The following PTPRC variants were observed in gnomAD, a reference collection of about 807,000 sequenced individuals.
PTPRC encodes receptor-type tyrosine-protein phosphatase C.
Under a neutral mutation model 155.9 loss-of-function variants are expected in PTPRC, and 44 were observed. That is an observed-to-expected ratio of 0.28 (90% CI 0.22 to 0.36). PTPRC has a LOEUF of 0.36. Ranked by LOEUF, PTPRC falls within the 10% of genes least tolerant of loss-of-function variation. The probability of loss-of-function intolerance (pLI) is 1.00; values close to 1 mark genes in which losing one functional copy is unlikely to be tolerated. For missense variants in PTPRC, 1,401 were observed against 1,564.6 expected, an observed-to-expected ratio of 0.90 and a Z score of 1.76; for synonymous variants, 525 against 533.1, an observed-to-expected ratio of 0.98 and a Z score of 0.21.
Position 198,659,765 on chromosome 1 carries a change from C to T in PTPRC, c.73+20424C>T, listed in dbSNP as rs117139039. 9.9e-4 allele frequency among the ~76,000 whole-genome samples: 151 copies of T among 151,884 alleles called. 1 individual carries two copies. The East Asian group carries it at 0.026, about 26-fold the overall frequency. ...TTCAGGCTGGTCTCGAGCTCCCAAC[C>T]TCAGGACCTCAGGTGATCTGCCCGC... On this transcript the variant is annotated intron_variant, in intron 2 of 32. Transcript: ENST00000442510.
At chr1:198,661,330 T>G (rs1663949504) in intron 2 of PTPRC, among the ~76,000 whole-genome samples, 1 of 149,714 alleles carries the variant, frequency 6.7e-6, no homozygotes, top group Non-Finnish European at 1.5e-5. Context: ...TAAATAATAA[T>G]AAATCAATAT....
chr1:198,716,012 C>A (rs952125511), intron 12 of PTPRC, among the ~76,000 whole-genome samples: 5 of 152,124 alleles, frequency 3.3e-5, no homozygotes, highest in Non-Finnish European at 7.4e-5. Context: ...GCCTCCCCAG[C>A]CAGAGCTGTT....
chr1:198,699,370 A>G (rs561219458), intron 4 of PTPRC, among the ~76,000 whole-genome samples, 194 bp from the exon 5 acceptor site: 1 of 152,232 alleles, frequency 6.6e-6, no homozygotes, highest in Non-Finnish European at 1.5e-5. Flanking sequence ...TCCCAAGGCT[A>G]TGTAAATAGA....
rs1184640716 is a variant in PTPRC, at chr1:198,663,946, T to C, written c.73+24605T>C. Among the ~76,000 whole-genome samples the C allele has an allele frequency of 2.0e-5, 3 of 152,266 alleles. 1 individual carries two copies. The East Asian group carries it at 5.8e-4, about 29-fold the overall frequency. ...ATTGAGACAAAAGCAAAATATTTTT[T>C]CTATATTAATAATCATAATAAACAC... On this transcript the variant is annotated intron_variant, in intron 2 of 32. Transcript: ENST00000442510.
intron 2 of PTPRC, among the ~76,000 whole-genome samples, chr1:198,667,416 C>A (rs866313471): frequency 8.5e-5 from 13 of 152,110 alleles, no homozygotes; most frequent in South Asian, 8.3e-4. Context: ...CTATATTAGG[C>A]CTTTTATCTG....
intron 2 of PTPRC, among the ~76,000 whole-genome samples, chr1:198,641,640 T>C (rs577332359): frequency 2.2e-4 from 33 of 152,170 alleles, no homozygotes; most frequent in African/African-American, 7.7e-4. Flanking sequence ...AGCCAAACTT[T>C]GTTTAGAATT....
chr1:198,716,943 C>A, intron 13 of PTPRC, 103 bp downstream of exon 13: 1 of 1,107,184 alleles, frequency 9.0e-7, no homozygotes. Flanking sequence ...AGCACATTTA[C>A]CTGGCACATT....
Position 198,699,607 on chromosome 1 carries a change from C to T in PTPRC, c.342C>T (p.Asp114=), listed in dbSNP as rs1450658102. ...CGCCTCACCTTCCCACGCACGCAGA[C>T]TCGCAGACGCCCTCTGCTGGAACTG... is the stretch of plus-strand genomic sequence containing the variant. The part of the protein sequence containing the change: ...VQTPHLPTHA[D]SQTPSAGTDT... The change falls in exon 5 of 33, where the codon GAC becomes GAT. Residue 114 remains aspartate, a synonymous_variant. Transcript: ENST00000442510. 5 of 1,614,110 alleles carry T rather than the reference C, an allele frequency of 3.1e-6. No individual in the cohort carries two copies. Among genetic ancestry groups the T allele is most frequent in the Non-Finnish European group, 3.4e-6 (4 of 1,180,050 alleles).
rs773229991 is a variant in PTPRC at position 198,718,171 on chromosome 1, G to A, written c.1528G>A (p.Asp510Asn). 3.1e-6 allele frequency: 5 copies of A among 1,613,692 alleles called. No homozygotes were observed. The East Asian group carries it at 6.7e-5, about 22-fold the overall frequency. ...GCATGTCAAGTGTAGGCCTCCCAGG[G>A]ACCGTAATGGCCCCCATGAACGTTA... ...SMHVKCRPPR[D>N]RNGPHERYHL... Residue 510 changes from aspartate (D) to asparagine (N), a missense_variant, in exon 14 of 33, where the codon GAC becomes AAC. Physicochemically the swap from Asp to Asn is conservative, Grantham distance 23. Transcript: ENST00000442510.
chr1:198,716,851 T>A lies in PTPRC; in HGVS notation c.1450+11T>A. On this transcript the variant is annotated intron_variant, in intron 13 of 32. Coordinates refer to ENST00000442510, the MANE Select transcript of PTPRC (RefSeq NM_002838.5). ...CAACTAAAAGTGCTCGTAAGTTATA[T>A]GTTTTAATGCTTCTTTCCATAAATG... is the stretch of plus-strand genomic sequence containing the variant. The A allele has an allele frequency of 6.2e-7, 1 of 1,612,416 alleles. No individual in the cohort carries two copies. The highest frequency in any genetic ancestry group is 1.1e-5 in the South Asian group (1 of 90,982).
At chr1:198,664,772 G>A (rs1254691235) in intron 2 of PTPRC, among the ~76,000 whole-genome samples, 2 of 152,126 alleles carry the variant, frequency 1.3e-5, no homozygotes, top group East Asian at 3.8e-4. Flanking sequence ...AACCCTGATA[G>A]TTGCTAGATT....
intron 20 of PTPRC, among the ~76,000 whole-genome samples, chr1:198,733,315 G>A (rs1654482403): frequency 6.6e-6 from 1 of 151,526 alleles, no homozygotes; most frequent in African/African-American, 2.4e-5. Context: ...GGTTACTTAT[G>A]TTTCCCCAAT....
intron 23 of PTPRC, 55 bp downstream of exon 23, chr1:198,735,307 TTATGGA>T: frequency 1.5e-6 from 2 of 1,364,350 alleles, no homozygotes; most frequent in Non-Finnish European, 2.0e-6. Flanking sequence ...AAAAATATAA[TTATGGA>T]ATATTAAAAG....
At chr1:198,666,724 T>G (rs72738028) in intron 2 of PTPRC, among the ~76,000 whole-genome samples, 2,012 of 152,318 alleles carry the variant, frequency 0.013, 23 homozygotes, top group Non-Finnish European at 0.016. Context: ...CAAGGTAGAC[T>G]ATGAATATTT....
rs1173201390 is a variant in PTPRC, at chr1:198,716,810, G to T, written c.1420G>T (p.Ala474Ser). The T allele has an allele frequency of 6.2e-7, 1 of 1,613,604 alleles. No individual in the cohort carries two copies. Among genetic ancestry groups the T allele is most frequent in the Admixed American group, 1.7e-5 (1 of 60,028 alleles). The change falls in exon 13 of 33, where the codon GCA becomes TCA. Residue 474 changes from alanine to serine, a missense_variant. Transcript: ENST00000442510. ...IAKVQRNGSA[A>S]MCHFTTKSAP... ...AAAAGTGCAACGTAATGGAAGTGCT[G>T]CAATGTGTCATTTCACAACTAAAAG...
chr1:198,693,181 G>A (rs1189393614), intron 3 of PTPRC: 3 of 908,354 alleles, frequency 3.3e-6, no homozygotes, highest in Admixed American at 1.2e-4. Context: ...GAATATTTTT[G>A]TCATTAAATA....
chr1:198,685,398 T>A (rs866346616), intron 2 of PTPRC, among the ~76,000 whole-genome samples: 1 of 151,900 alleles, frequency 6.6e-6, no homozygotes, highest in South Asian at 2.1e-4. Context: ...ATATATTATA[T>A]AAAGAGGTGT....
chr1:198,751,477 C>T (rs1354419538), intron 29 of PTPRC, among the ~76,000 whole-genome samples: 1 of 152,008 alleles, frequency 6.6e-6, no homozygotes, highest in Non-Finnish European at 1.5e-5. Flanking sequence ...CTAAATCTCA[C>T]TCTTTCTCAC....
intron 2 of PTPRC, chr1:198,679,806 T>C (rs555419616): frequency 5.7e-5 from 31 of 547,726 alleles, no homozygotes; most frequent in African/African-American, 4.7e-4. Context: ...ATTCAGTGTA[T>C]TGGGGCTTCT....
Sources: gnomAD v4.1 joint callset for allele counts (sites outside exome capture counted in the v4.1 genomes callset) on GRCh38, gnomAD v4.1.1 for gene constraint, MANE v1.5 for transcripts, NCBI Gene and HGNC (gene_info 2026-07-23, HGNC 2026-07-21) for gene names.